Variants in MPPED2 observed in about 807,000 individuals in gnomAD.
MPPED2 encodes metallophosphoesterase domain containing 2.
In MPPED2, 5 loss-of-function variants were observed where a neutral mutation model predicts 33.0. That is an observed-to-expected ratio of 0.15 (90% confidence interval 0.08 to 0.32). The LOEUF is 0.32. Ranked by LOEUF, MPPED2 falls within the 10% of genes least tolerant of loss-of-function variation. MPPED2 has a pLI of 1.00. For missense variants in MPPED2, 275 were observed against 372.1 expected (o/e 0.74, Z 2.15); for synonymous variants, 136 against 141.9 (o/e 0.96, Z 0.29).
chr11:30,517,943 T>C (rs1565146542), intron 3 of MPPED2, among the ~76,000 whole-genome samples: 1 of 152,198 alleles, frequency 6.6e-6, no homozygotes, highest in Non-Finnish European at 1.5e-5. Flanking sequence ...TTTGGTTTAC[T>C]TATGGTAAAA....
intron 4 of MPPED2, among the ~76,000 whole-genome samples, chr11:30,490,240 C>CA (rs1434824913): frequency 6.6e-6 from 1 of 152,068 alleles, no homozygotes; most frequent in Non-Finnish European, 1.5e-5. Context: ...GGTATGCAAG[C>CA]AATCCACAAG....
At chr11:30,480,409 T>G (rs528568765) in intron 4 of MPPED2, among the ~76,000 whole-genome samples, 1 of 152,208 alleles carries the variant, frequency 6.6e-6, no homozygotes, top group East Asian at 1.9e-4. Flanking sequence ...TTAAAATAAT[T>G]ACCATCGCCG....
intron 4 of MPPED2, among the ~76,000 whole-genome samples, chr11:30,461,702 A>C (rs567469953): frequency 3.3e-5 from 5 of 152,198 alleles, no homozygotes; most frequent in Non-Finnish European, 7.3e-5. Context: ...GAAAAAATAG[A>C]GATGTTCCCT....
intron 3 of MPPED2, among the ~76,000 whole-genome samples, chr11:30,524,834 T>C (rs1329142715): frequency 6.6e-6 from 1 of 152,184 alleles, no homozygotes; most frequent in Non-Finnish European, 1.5e-5. Context: ...ATATTTCAGT[T>C]TGAGGTATTA....
chr11:30,464,910 C>T (rs1421117244), intron 4 of MPPED2, among the ~76,000 whole-genome samples: 1 of 152,168 alleles, frequency 6.6e-6, no homozygotes, highest in African/African-American at 2.4e-5. Flanking sequence ...TCGTTCAATT[C>T]AACTCAGTTA....
intron 2 of MPPED2, among the ~76,000 whole-genome samples, chr11:30,554,573 C>T (rs1284763927): frequency 1.4e-5 from 2 of 146,332 alleles, no homozygotes; most frequent in Non-Finnish European, 3.0e-5. Flanking sequence ...CAGCTGCAAC[C>T]TCTGCCTCTC....
At chr11:30,414,406 T>TC in intron 5 of MPPED2, 65 bp from the exon 6 acceptor site, 1 of 1,033,284 alleles carries the variant, frequency 9.7e-7, no homozygotes, top group Non-Finnish European at 1.5e-6. Context: ...ATTTAGACTT[T>TC]CAGGAAGCCA....
chr11:30,421,161 G>T (rs1243455457), intron 4 of MPPED2, among the ~76,000 whole-genome samples: 1 of 152,124 alleles, frequency 6.6e-6, no homozygotes, highest in Non-Finnish European at 1.5e-5. Context: ...TGAACCCACA[G>T]GACACCCAGG....
At chr11:30,534,580 C>T (rs995353337) in intron 3 of MPPED2, among the ~76,000 whole-genome samples, 2 of 152,174 alleles carry the variant, frequency 1.3e-5, no homozygotes, top group African/African-American at 4.8e-5. Context: ...ACATCCAATG[C>T]TGCCAAGACC....
chr11:30,564,368 C>T (rs770148374), intron 2 of MPPED2, among the ~76,000 whole-genome samples: 2 of 152,166 alleles, frequency 1.3e-5, no homozygotes, highest in Non-Finnish European at 2.9e-5. Flanking sequence ...AAATGAAACA[C>T]TTCTATAGAA....
At chr11:30,392,921 C>G (rs75712692) in intron 6 of MPPED2, among the ~76,000 whole-genome samples, 1 of 152,108 alleles carries the variant, frequency 6.6e-6, no homozygotes, top group African/African-American at 2.4e-5. Flanking sequence ...ACACTTTATC[C>G]GGTATCTTGC....
At chr11:30,440,257 G>A (rs1447804932) in intron 4 of MPPED2, among the ~76,000 whole-genome samples, 1 of 151,898 alleles carries the variant, frequency 6.6e-6, no homozygotes, top group African/African-American at 2.4e-5. Flanking sequence ...TTGAATCCGG[G>A]AGGCGGAGGT....
rs116077958 is a variant in MPPED2, at chr11:30,394,929, T to A, written c.767-5973A>T. Among the ~76,000 whole-genome samples the A allele has an allele frequency of 8.9e-3, 1,358 of 152,312 alleles. 20 individuals are homozygous for A. Among genetic ancestry groups the A allele is most frequent in the African/African-American group, 0.031 (1,272 of 41,564 alleles). On this transcript the variant is annotated intron_variant, in intron 6 of 6. Transcript: ENST00000448418. ...CTTTTTTCTGCATGTGAAGTTAAAT[T>A]GTTCAACACCATTTCTTTAAAAGAC...
chr11:30,411,233 G>C lies in MPPED2; in HGVS notation c.*235C>G. ...AACACTAACAATTTACAATGGCATGGCCTTTGAGAAAACAGAAGTCATTTT... is the reference window on the plus strand; with the variant it reads ...AACACTAACAATTTACAATGGCATGCCCTTTGAGAAAACAGAAGTCATTTT... On this transcript the variant is annotated 3_prime_UTR_variant, in exon 7 of 7. Transcript: ENST00000358117. 1.7e-6 allele frequency: 2 copies of C among 1,151,724 alleles called. No individual in the cohort carries two copies. The highest frequency in any genetic ancestry group is 2.1e-6 in the Non-Finnish European group (2 of 934,520). The allele number at this position is 1,151,724 out of a possible 1,614,324, so 71.3% of individuals were successfully genotyped here.
chr11:30,416,866 A>G (rs1948387914), intron 5 of MPPED2, among the ~76,000 whole-genome samples: 1 of 152,164 alleles, frequency 6.6e-6, no homozygotes, highest in Non-Finnish European at 1.5e-5. Flanking sequence ...ATTAAAAGGT[A>G]ATAAGTCAAC....
At chr11:30,553,889 C>A (rs1955838297) in intron 2 of MPPED2, among the ~76,000 whole-genome samples, 1 of 152,118 alleles carries the variant, frequency 6.6e-6, no homozygotes, top group African/African-American at 2.4e-5. Context: ...AGGAAGCTGT[C>A]AGGGAGTCAT....
At chr11:30,395,509 C>T (rs977365692) in intron 6 of MPPED2, among the ~76,000 whole-genome samples, 2 of 152,060 alleles carry the variant, frequency 1.3e-5, no homozygotes. Flanking sequence ...CTAAGAATAC[C>T]TTGGATGCTC....
intron 2 of MPPED2, among the ~76,000 whole-genome samples, chr11:30,558,529 C>A (rs900699867): frequency 6.6e-6 from 1 of 151,976 alleles, no homozygotes; most frequent in Non-Finnish European, 1.5e-5. Context: ...AATCCTCCCA[C>A]CTCAGCCTCT....
chr11:30,576,388 G>T (rs886247461), intron 2 of MPPED2, among the ~76,000 whole-genome samples: 1 of 152,150 alleles, frequency 6.6e-6, no homozygotes, highest in African/African-American at 2.4e-5. Context: ...CGCAGATAAG[G>T]AAAGTGGCTA....
Sources: allele counts gnomAD v4.1 joint callset (sites outside exome capture counted in the v4.1 genomes callset), GRCh38; gene constraint gnomAD v4.1.1; transcripts MANE v1.5; gene names NCBI Gene and HGNC (gene_info 2026-07-23, HGNC 2026-07-21).